SNTB2: variants seen among roughly 807,000 people sequenced by gnomAD.
SNTB2 encodes syntrophin beta 2.
In SNTB2, 34 loss-of-function variants were observed where a neutral mutation model predicts 46.2. The ratio of observed to expected loss-of-function variants is 0.74; its 90% CI spans 0.56 to 0.98. The LOEUF (loss-of-function observed/expected upper bound fraction) is 0.98, where lower values mean the gene tolerates loss of function less well. Among genes scored for constraint, SNTB2 ranks in the 50% least tolerant of loss-of-function variants. The probability of loss-of-function intolerance (pLI) is 0.00; values close to 1 mark genes in which losing one functional copy is unlikely to be tolerated. For synonymous variants in SNTB2, 290 were observed against 312.6 expected (o/e 0.93, Z 0.76); for missense variants, 603 against 731.4 (o/e 0.82, Z 2.02).
intron 1 of SNTB2, among the ~76,000 whole-genome samples, chr16:69,205,753 G>C (rs1200564065): frequency 1.3e-5 from 2 of 152,104 alleles, no homozygotes; most frequent in African/African-American, 4.8e-5. Flanking sequence ...CCCAGACAAA[G>C]AAGTCTAAGG....
rs544016263 is a variant in SNTB2 at position 69,196,430 on chromosome 16, A to G, written c.580+8684A>G. ...GGCCCTGTCACCCAGGCTGGAGTGTAGTGGTGTGATCTCGGCTCACTGCAA... is the reference window on the plus strand; with the variant it reads ...GGCCCTGTCACCCAGGCTGGAGTGTGGTGGTGTGATCTCGGCTCACTGCAA... On this transcript the variant is annotated intron_variant, in intron 1 of 6. Coordinates refer to ENST00000336278, the MANE Select transcript of SNTB2 (RefSeq NM_006750.4). Among the ~76,000 whole-genome samples, 9 of 133,584 alleles carry G rather than the reference A, an allele frequency of 6.7e-5. No homozygotes were observed. The South Asian group carries it at 1.8e-3, about 27-fold the overall frequency. 87.6% of individuals were successfully genotyped at this position (133,584 alleles called of 152,430 possible).
In SNTB2 at chr16:69,304,217, GT is replaced by G. The variant is rs1214733956; in HGVS notation, c.*3296del. 2 of 152,266 alleles carry G rather than the reference GT, an allele frequency of 1.3e-5. No homozygotes were observed. The highest frequency in any genetic ancestry group is 2.9e-5 in the Non-Finnish European group (2 of 68,024). 9.4% of individuals were successfully genotyped at this position (152,266 alleles called of 1,614,324 possible). A position where few individuals can be genotyped will look rare whatever the true frequency, so the allele number is the denominator to read the frequency against. On this transcript the variant is annotated 3_prime_UTR_variant, in exon 7 of 7. Coordinates refer to ENST00000336278, the MANE Select transcript of SNTB2 (RefSeq NM_006750.4). Reference sequence around the variant, plus strand: ...CAAATGAAACATTATCTGGAAATTAGTTTCTAATGTTGTATATGAAGAAATA... The same window carrying G: ...CAAATGAAACATTATCTGGAAATTAGTTCTAATGTTGTATATGAAGAAATA...
chr16:69,219,713 A>ATTTTGTTTTGTTTTG (rs1258676945), intron 1 of SNTB2, among the ~76,000 whole-genome samples: 1 of 148,416 alleles, frequency 6.7e-6, no homozygotes, highest in Non-Finnish European at 1.5e-5. Context: ...ACCAGATTTT[A>ATTTTGTTTTGTTTTG]TTTTATTTTG....
chr16:69,225,201 G>T (rs747672671), intron 1 of SNTB2, among the ~76,000 whole-genome samples: 1 of 152,212 alleles, frequency 6.6e-6, no homozygotes, highest in Non-Finnish European at 1.5e-5. Flanking sequence ...GAAACTTGGA[G>T]GACTTTCTTG....
chr16:69,243,948 T>C (rs1234685898), intron 1 of SNTB2, among the ~76,000 whole-genome samples: 1 of 152,226 alleles, frequency 6.6e-6, no homozygotes, highest in Non-Finnish European at 1.5e-5. Context: ...AGAAAATAAC[T>C]TTAACTCTTC....
In SNTB2 at chr16:69,193,452, C is replaced by G. The variant is rs574187032; in HGVS notation, c.580+5706C>G. Among the ~76,000 whole-genome samples the G allele has an allele frequency of 9.4e-4, 143 of 151,410 alleles. 2 individuals are homozygous for G. The highest frequency in any genetic ancestry group is 6.8e-3 in the Middle Eastern group (2 of 294). ...CAAGAAATTCTCCTGCCTCGGCCTC[C>G]CAAGTAGCTTGGATTACTGGTGTGT... On this transcript the variant is annotated intron_variant, in intron 1 of 6. Transcript: ENST00000336278.
chr16:69,292,504 C>T (rs1276133287), intron 5 of SNTB2, among the ~76,000 whole-genome samples: 5 of 137,632 alleles, frequency 3.6e-5, no homozygotes, highest in African/African-American at 8.4e-5. Flanking sequence ...TGCAATGGCA[C>T]GATCTTGGCT....
chr16:69,245,534 T>C, intron 1 of SNTB2, 68 bp from the exon 2 acceptor site: 2 of 1,426,844 alleles, frequency 1.4e-6, no homozygotes, highest in Admixed American at 3.4e-5. Context: ...TGTATGTGAA[T>C]ACTTTAGTTA....
intron 2 of SNTB2, 29 bp from the exon 3 acceptor site, chr16:69,260,021 C>T: frequency 6.6e-7 from 1 of 1,526,016 alleles, no homozygotes; most frequent in Non-Finnish European, 9.1e-7. Flanking sequence ...TGTCCTAGCT[C>T]ACTTTTTTTT....
chr16:69,200,812 G>A (rs1964153787), intron 1 of SNTB2, among the ~76,000 whole-genome samples: 1 of 151,958 alleles, frequency 6.6e-6, no homozygotes, highest in South Asian at 2.1e-4. Context: ...ACCGAGTCTG[G>A]CCCTGTGATC....
At chr16:69,244,034 G>A (rs778278272) in intron 1 of SNTB2, among the ~76,000 whole-genome samples, 16 of 152,128 alleles carry the variant, frequency 1.1e-4, no homozygotes, top group Non-Finnish European at 2.1e-4. Flanking sequence ...GGTACCTACT[G>A]TATTTATTGA....
At chr16:69,246,804 C>T (rs915392927) in intron 2 of SNTB2, among the ~76,000 whole-genome samples, 5 of 145,510 alleles carry the variant, frequency 3.4e-5, no homozygotes, top group Non-Finnish European at 6.0e-5. Context: ...GTGTATGTGT[C>T]GAGGAATTTA....
At chr16:69,263,495 T>C (rs1048603313) in intron 3 of SNTB2, among the ~76,000 whole-genome samples, 1 of 151,764 alleles carries the variant, frequency 6.6e-6, no homozygotes, top group African/African-American at 2.4e-5. Context: ...CTTGGCTCAC[T>C]ACTATCTCCG....
intron 5 of SNTB2, among the ~76,000 whole-genome samples, chr16:69,292,364 ATAT>A (rs1454545447): frequency 8.6e-5 from 3 of 34,802 alleles, no homozygotes; most frequent in East Asian, 7.4e-4. Context: ...TTATATATAT[ATAT>A]ATATATATAT....
chr16:69,283,746 A>G (rs1449054215), intron 4 of SNTB2, among the ~76,000 whole-genome samples: 2 of 152,182 alleles, frequency 1.3e-5, no homozygotes, highest in Admixed American at 1.3e-4. Context: ...CATCCAGCCC[A>G]GTATCTTGGC....
chr16:69,203,871 G>A (rs559530131), intron 1 of SNTB2, among the ~76,000 whole-genome samples: 60 of 151,318 alleles, frequency 4.0e-4, no homozygotes, highest in Non-Finnish European at 7.7e-4. Context: ...AGGTTCAAGC[G>A]TTCTCCTGCC....
intron 1 of SNTB2, among the ~76,000 whole-genome samples, chr16:69,201,422 T>C (rs1006139103): frequency 7.9e-5 from 12 of 151,866 alleles, no homozygotes; most frequent in Admixed American, 6.6e-5. Context: ...TGGTGCTGAA[T>C]AGGAAAAAAC....
At chr16:69,239,197 G>A (rs2152296058) in intron 1 of SNTB2, among the ~76,000 whole-genome samples, 1 of 152,126 alleles carries the variant, frequency 6.6e-6, no homozygotes, top group Middle Eastern at 3.4e-3. Context: ...TCTTATTAAT[G>A]GCTTACCCTA....
intron 2 of SNTB2, among the ~76,000 whole-genome samples, chr16:69,254,305 C>G (rs755924862): frequency 6.6e-6 from 1 of 152,124 alleles, no homozygotes; most frequent in Non-Finnish European, 1.5e-5. Context: ...CCAGAGGTAA[C>G]TGGTACCACC....
Sources: allele counts gnomAD v4.1 joint callset (sites outside exome capture counted in the v4.1 genomes callset), GRCh38; gene constraint gnomAD v4.1.1; transcripts MANE v1.5; gene names NCBI Gene and HGNC (gene_info 2026-07-23, HGNC 2026-07-21).